The following INPP5A variants were observed in gnomAD, a reference collection of about 807,000 sequenced individuals.
The protein encoded by INPP5A is 43 kDa inositol polyphosphate 5-phophatase.
A neutral mutation model predicts 65.2 loss-of-function variants in INPP5A; 14 were observed. The ratio of observed to expected loss-of-function variants is 0.21; its 90% CI spans 0.14 to 0.34. The LOEUF (loss-of-function observed/expected upper bound fraction) is 0.34. INPP5A is among the 10% of genes least tolerant of loss of function. The pLI is 1.00. For missense variants in INPP5A, 431 were observed against 545.6 expected (o/e 0.79, Z 2.09); for synonymous variants, 207 against 208.3 (o/e 0.99, Z 0.05).
At chr10:132,543,950 C>G (rs1342711283) in intron 1 of INPP5A, among the ~76,000 whole-genome samples, 1 of 152,232 alleles carries the variant, frequency 6.6e-6, no homozygotes, top group Non-Finnish European at 1.5e-5. Context: ...GCAGGCGTCC[C>G]TAGGCGGACA....
rs938545156 is a variant in INPP5A at position 132,776,643 on chromosome 10, T to C, written c.978-1028T>C. Among the ~76,000 whole-genome samples, 17 of 152,200 alleles carry C rather than the reference T, an allele frequency of 1.1e-4. No homozygotes were observed. The East Asian group carries it at 3.1e-3, about 28-fold the overall frequency. ...TGCACTTAGGGGCAGGTGGCTGAGC[T>C]CAGCCACAGGACCCCCGGGGTTCGT... On this transcript the variant is annotated intron_variant, in intron 12 of 15. Transcript: ENST00000368594.
chr10:132,648,339 T>C (rs2072526779), intron 3 of INPP5A, among the ~76,000 whole-genome samples: 1 of 152,260 alleles, frequency 6.6e-6, no homozygotes, highest in Admixed American at 6.5e-5. Context: ...CGCGATGCCG[T>C]GTGTGTTTCC....
chr10:132,595,518 T>G (rs1489541530), intron 1 of INPP5A, among the ~76,000 whole-genome samples: 1 of 152,248 alleles, frequency 6.6e-6, no homozygotes. Context: ...TTACCCACAT[T>G]GCGGTGTTTG....
At chr10:132,725,602 A>G (rs529664939) in intron 8 of INPP5A, among the ~76,000 whole-genome samples, 2 of 152,320 alleles carry the variant, frequency 1.3e-5, no homozygotes, top group South Asian at 2.1e-4. Context: ...ACTGGGCCCT[A>G]CCGTGCCCCT....
At chr10:132,662,007 A>C (rs2072742818) in intron 4 of INPP5A, among the ~76,000 whole-genome samples, 1 of 152,214 alleles carries the variant, frequency 6.6e-6, no homozygotes, top group Non-Finnish European at 1.5e-5. Flanking sequence ...CCACATGAAA[A>C]TTTAGCTTGA....
At chr10:132,596,429 GTTT>G (rs1251892961) in intron 1 of INPP5A, among the ~76,000 whole-genome samples, 3 of 146,518 alleles carry the variant, frequency 2.0e-5, no homozygotes, top group Middle Eastern at 3.8e-3. Context: ...TGCATGTTTT[GTTT>G]TGTTTTTTTT....
chr10:132,749,514 C>T lies in INPP5A; in HGVS notation c.733-3C>T. ...ACTTATCTCCGTTGCTGTCTTTCTG[C>T]AGACGCTCTGCACAAAAGCCACCAT... On this transcript the variant is annotated splice_region_variant and splice_polypyrimidine_tract_variant and intron_variant, in intron 9 of 15. Coordinates refer to ENST00000368594, the MANE Select transcript of INPP5A (RefSeq NM_005539.5). The T allele has an allele frequency of 1.2e-6, 2 of 1,612,718 alleles. No homozygotes were observed. Among genetic ancestry groups the T allele is most frequent in the Non-Finnish European group, 1.7e-6 (2 of 1,179,870 alleles).
intron 9 of INPP5A, among the ~76,000 whole-genome samples, chr10:132,743,315 G>A (rs1365636747): frequency 7.0e-6 from 1 of 141,886 alleles, no homozygotes; most frequent in African/African-American, 2.7e-5. Context: ...ACCCACCAGC[G>A]CTGCACTCAG....
At chr10:132,615,126 C>T (rs2072014069) in intron 2 of INPP5A, among the ~76,000 whole-genome samples, 1 of 152,218 alleles carries the variant, frequency 6.6e-6, no homozygotes, top group African/African-American at 2.4e-5. Flanking sequence ...CAAGAGGGAG[C>T]CCCGAGTCTG....
intron 11 of INPP5A, among the ~76,000 whole-genome samples, chr10:132,760,565 A>G (rs2134664889): frequency 6.6e-6 from 1 of 152,384 alleles, no homozygotes; most frequent in African/African-American, 2.4e-5. Context: ...AACTTCATTA[A>G]GGACGTGGCA....
chr10:132,721,824 G>A (rs982902944), intron 8 of INPP5A, among the ~76,000 whole-genome samples: 8 of 152,218 alleles, frequency 5.3e-5, no homozygotes, highest in Admixed American at 3.3e-4. Context: ...GTCTGGGGGC[G>A]CCTTAGATGG....
chr10:132,558,309 C>G (rs190734616), intron 1 of INPP5A, among the ~76,000 whole-genome samples: 113 of 152,342 alleles, frequency 7.4e-4, no homozygotes, highest in Non-Finnish European at 1.1e-3. Context: ...GGCTCTCCCC[C>G]CCGGCCCACG....
chr10:132,769,428 C>T (rs570919645), intron 12 of INPP5A, among the ~76,000 whole-genome samples: 9 of 152,336 alleles, frequency 5.9e-5, no homozygotes, highest in South Asian at 4.1e-4. Context: ...CTCTCCCGGG[C>T]GGGACCCTGA....
chr10:132,562,100 G>A (rs919543917), intron 1 of INPP5A, among the ~76,000 whole-genome samples: 16 of 152,268 alleles, frequency 1.1e-4, no homozygotes, highest in Non-Finnish European at 7.3e-5. Context: ...AGGCTTGGCG[G>A]CCTCCTGTGA....
chr10:132,644,729 G>A lies in INPP5A; in HGVS notation c.118-1139G>A, dbSNP rs1047307714. On this transcript the variant is annotated intron_variant, in intron 2 of 15. Coordinates refer to ENST00000368594, the MANE Select transcript of INPP5A (RefSeq NM_005539.5). This position sits in a 1 kb window ranked among gnomAD's most constrained non-coding sequence, Gnocchi z 6.5. ...CCGGCACCAGACAGAGAGCCCTGTC[G>A]GGGCTTGCTCCTTGGAAGCGCTGCG... Among the ~76,000 whole-genome samples the A allele has an allele frequency of 2.6e-5, 4 of 152,226 alleles. No homozygotes were observed. The highest frequency in any genetic ancestry group is 4.8e-5 in the African/African-American group (2 of 41,454).
At position 132,708,333 on chromosome 10, in the gene INPP5A, C is replaced by G. The variant is rs1845572231; in HGVS notation, c.495C>G (p.Gly165=). ...YFPECKWSRK[G]FIRTRWCIAD... ...TTCAGTGCAAATGGTCAAGAAAAGG[C>G]TTCATCCGGACGAGGTGGTGCATTG... Residue 165 remains glycine, a synonymous_variant, in exon 7 of 16, where the codon GGC becomes GGG. Coordinates refer to ENST00000368594, the MANE Select transcript of INPP5A (RefSeq NM_005539.5). The G allele has an allele frequency of 6.2e-7, 1 of 1,614,044 alleles. No individual in the cohort carries two copies. Among genetic ancestry groups the G allele is most frequent in the Non-Finnish European group, 8.5e-7 (1 of 1,180,002 alleles).
chr10:132,627,677 G>A lies in INPP5A; in HGVS notation c.118-18191G>A, dbSNP rs1170665266. On this transcript the variant is annotated intron_variant, in intron 2 of 15. Coordinates refer to ENST00000368594, the MANE Select transcript of INPP5A (RefSeq NM_005539.5). This position sits in a 1 kb window ranked among gnomAD's most constrained non-coding sequence, Gnocchi z 6.6. ...GCGAGCACAGTGTGGTCCGGGGCTG[G>A]GGGTGTGAGATGGCTGGGATTATAG... Among the ~76,000 whole-genome samples, 3 of 152,200 alleles carry A rather than the reference G, an allele frequency of 2.0e-5. No individual in the cohort carries two copies. Among genetic ancestry groups the A allele is most frequent in the Admixed American group, 1.3e-4 (2 of 15,286 alleles).
chr10:132,713,916 G>T (rs970254150), intron 8 of INPP5A, among the ~76,000 whole-genome samples: 1 of 152,202 alleles, frequency 6.6e-6, no homozygotes, highest in Non-Finnish European at 1.5e-5. Flanking sequence ...GACCGCCTGT[G>T]CCCTGGGCGC....
chr10:132,666,054 CAA>C (rs5789135), intron 4 of INPP5A, among the ~76,000 whole-genome samples: 18 of 136,116 alleles, frequency 1.3e-4, no homozygotes, highest in East Asian at 2.1e-4. Context: ...GATCCTGTCT[CAA>C]AAAAAAAAAA....
Sources: gnomAD v4.1 joint callset for allele counts (sites outside exome capture counted in the v4.1 genomes callset) on GRCh38, gnomAD v4.1.1 for gene constraint, Gnocchi (gnomAD v3.1) non-coding constraint, MANE v1.5 for transcripts, NCBI Gene and HGNC (gene_info 2026-07-23, HGNC 2026-07-21) for gene names.